Variants in LHFPL2 observed in about 807,000 individuals in gnomAD.
The protein encoded by LHFPL2 is LHFPL tetraspan subfamily member 2 protein.
In LHFPL2, 7 loss-of-function variants were observed where a neutral mutation model predicts 17.5. The ratio of observed to expected loss-of-function variants is 0.40; its 90% CI spans 0.23 to 0.75. The LOEUF (loss-of-function observed/expected upper bound fraction) is 0.75, where lower values mean the gene tolerates loss of function less well. LHFPL2 is among the 30% of genes least tolerant of loss of function. The pLI is 0.37. For synonymous variants in LHFPL2, 134 were observed against 116.2 expected (o/e 1.15, Z -0.99); for missense variants, 241 against 294.8 (o/e 0.82, Z 1.34).
chr5:78,538,318 C>T (rs1037790479), intron 3 of LHFPL2, among the ~76,000 whole-genome samples: 1 of 149,824 alleles, frequency 6.7e-6, no homozygotes, highest in Non-Finnish European at 1.5e-5. Context: ...GCCTTATATA[C>T]AACAGGTGGC....
intron 3 of LHFPL2, among the ~76,000 whole-genome samples, chr5:78,539,492 C>G (rs1245319200): frequency 6.6e-6 from 1 of 152,150 alleles, no homozygotes; most frequent in Non-Finnish European, 1.5e-5. Context: ...TGGTAAAGTG[C>G]TTAGCATACG....
intron 2 of LHFPL2, among the ~76,000 whole-genome samples, chr5:78,612,579 A>G (rs1347395053): frequency 1.3e-5 from 2 of 152,264 alleles, no homozygotes; most frequent in African/African-American, 4.8e-5. Context: ...TATTAAAACT[A>G]ATTTTTAACA....
At chr5:78,637,588 C>A (rs1745500354) in intron 1 of LHFPL2, among the ~76,000 whole-genome samples, 1 of 152,250 alleles carries the variant, frequency 6.6e-6, no homozygotes, top group African/African-American at 2.4e-5. Context: ...AGGTGACCAA[C>A]TTCAAGTCAG....
chr5:78,562,634 CAA>C (rs35163869), intron 3 of LHFPL2, among the ~76,000 whole-genome samples: 22 of 113,056 alleles, frequency 1.9e-4, no homozygotes, highest in East Asian at 2.5e-4. Flanking sequence ...GATTCCACCT[CAA>C]AAAAAAAAAA....
Position 78,592,670 on chromosome 5 carries a change from TACACACAC to T in LHFPL2, c.-244-27807_-244-27800del, listed in dbSNP as rs371054360. ...TCTTCAACTTAGTGAAAAATTCAGA[TACACACAC>T]ACACACACACACACACACATTACTC... On this transcript the variant is annotated intron_variant, in intron 2 of 4. Coordinates refer to ENST00000380345, the MANE Select transcript of LHFPL2 (RefSeq NM_005779.3). 1.8e-4 allele frequency among the ~76,000 whole-genome samples: 10 copies of T among 55,916 alleles called. 1 individual carries two copies. The highest frequency in any genetic ancestry group is 5.8e-4 in the African/African-American group (10 of 17,208). 36.7% of individuals were successfully genotyped at this position (55,916 alleles called of 152,430 possible).
intron 2 of LHFPL2, among the ~76,000 whole-genome samples, chr5:78,631,386 A>G (rs562901657): frequency 6.6e-6 from 1 of 152,340 alleles, no homozygotes; most frequent in African/African-American, 2.4e-5. Flanking sequence ...GTGACCTAGC[A>G]TAACTTACGC....
chr5:78,609,450 C>CAAAAAAAAAAAAAAAAAAAA (rs71613975), intron 2 of LHFPL2, among the ~76,000 whole-genome samples: 5 of 40,684 alleles, frequency 1.2e-4, no homozygotes, highest in African/African-American at 3.4e-4. Context: ...GACTCAGTCT[C>CAAAAAAAAAAAAAAAAAAAA]AAAAAAAAAA....
At chr5:78,604,325 A>AG (rs1213648544) in intron 2 of LHFPL2, among the ~76,000 whole-genome samples, 1 of 149,054 alleles carries the variant, frequency 6.7e-6, no homozygotes, top group East Asian at 2.0e-4. Context: ...TAAAAATACA[A>AG]AATTGGCTGG....
chr5:78,529,621 C>T (rs1005487501), intron 3 of LHFPL2, among the ~76,000 whole-genome samples: 2 of 148,998 alleles, frequency 1.3e-5, no homozygotes, highest in Non-Finnish European at 3.0e-5. Context: ...CCGGCCTGGG[C>T]GACAGAGCGA....
intron 1 of LHFPL2, among the ~76,000 whole-genome samples, chr5:78,641,278 C>T (rs1745652222): frequency 1.3e-5 from 2 of 152,338 alleles, no homozygotes; most frequent in South Asian, 4.1e-4. Context: ...TTCCATACAT[C>T]AACCTGGGCT....
At chr5:78,513,917 C>T (rs1352130827) in intron 3 of LHFPL2, among the ~76,000 whole-genome samples, 5 of 152,196 alleles carry the variant, frequency 3.3e-5, no homozygotes, top group African/African-American at 1.2e-4. Flanking sequence ...ACAGAGGCTG[C>T]AAGCAAAGTT....
At chr5:78,545,465 G>A (rs995167377) in intron 3 of LHFPL2, among the ~76,000 whole-genome samples, 4 of 152,168 alleles carry the variant, frequency 2.6e-5, no homozygotes, top group African/African-American at 9.7e-5. Flanking sequence ...ATGTCTGCTA[G>A]GCAAATGGGG....
chr5:78,515,485 C>A (rs7711188), intron 3 of LHFPL2, among the ~76,000 whole-genome samples: 62,126 of 152,000 alleles, frequency 0.41, 13,301 homozygotes, highest in African/African-American at 0.53. Context: ...CTCCCTCAGA[C>A]ACATGAATCC....
intron 4 of LHFPL2, among the ~76,000 whole-genome samples, chr5:78,490,097 C>A (rs540198125): frequency 6.6e-6 from 1 of 152,204 alleles, no homozygotes; most frequent in Non-Finnish European, 1.5e-5. Context: ...TTTCTGTCTG[C>A]GTACTTTTAA....
At chr5:78,524,765 T>G (rs946649001) in intron 3 of LHFPL2, among the ~76,000 whole-genome samples, 1 of 149,346 alleles carries the variant, frequency 6.7e-6, no homozygotes, top group African/African-American at 2.5e-5. Flanking sequence ...AAAAAAAAAT[T>G]GTTAGACATC....
chr5:78,590,904 T>A (rs896129905), intron 2 of LHFPL2, among the ~76,000 whole-genome samples: 42 of 152,360 alleles, frequency 2.8e-4, no homozygotes, highest in African/African-American at 9.9e-4. Context: ...AGGCCTCCGA[T>A]TCTATTTAGG....
intron 2 of LHFPL2, among the ~76,000 whole-genome samples, chr5:78,583,264 A>C (rs1743220544): frequency 6.6e-6 from 1 of 151,448 alleles, no homozygotes; most frequent in African/African-American, 2.4e-5. Flanking sequence ...TTTTAATTGG[A>C]GCATTTAGTC....
rs781047621 is a variant in LHFPL2, at chr5:78,518,645, G to A, written c.-185-8247C>T. On this transcript the variant is annotated intron_variant, in intron 3 of 4. Coordinates refer to ENST00000380345, the MANE Select transcript of LHFPL2 (RefSeq NM_005779.3). Reference sequence around the variant, plus strand: ...GCAGCCTGGCCTGCAGGACTGAGCCGGTGTAATGACTCAGGAATGTGCCAG... The same window carrying A: ...GCAGCCTGGCCTGCAGGACTGAGCCAGTGTAATGACTCAGGAATGTGCCAG... Among the ~76,000 whole-genome samples, 9 of 152,278 alleles carry A rather than the reference G, an allele frequency of 5.9e-5. No individual in the cohort carries two copies. In the South Asian group the frequency reaches 1.0e-3, roughly 18 times the overall value.
intron 3 of LHFPL2, among the ~76,000 whole-genome samples, chr5:78,562,102 T>G (rs75370568): frequency 6.6e-6 from 1 of 152,182 alleles, no homozygotes; most frequent in African/African-American, 2.4e-5. Flanking sequence ...CTTTCCATGA[T>G]ACCCAGTGCC....
Sources: allele counts gnomAD v4.1 joint callset (sites outside exome capture counted in the v4.1 genomes callset), GRCh38; gene constraint gnomAD v4.1.1; transcripts MANE v1.5; gene names NCBI Gene and HGNC (gene_info 2026-07-23, HGNC 2026-07-21).